The following MED8 variants were observed in gnomAD, a reference collection of about 807,000 sequenced individuals.
MED8 encodes the protein mediator of RNA polymerase II transcription subunit 8.
MED8 carries 22 observed loss-of-function variants against 34.8 expected under a neutral mutation model. The observed-to-expected ratio is 0.63, with a 90% CI of 0.45 to 0.90. MED8 has a LOEUF of 0.90. MED8 is among the 40% of genes least tolerant of loss of function. The pLI is 0.00. For missense variants in MED8, 260 were observed against 326.3 expected (o/e 0.80, Z 1.57); for synonymous variants, 105 against 120.2 (o/e 0.87, Z 0.83).
Position 43,383,961 on chromosome 1 carries a change from T to G in MED8, c.*1081A>C, listed in dbSNP as rs146741840. ...TCAGAGGAATCCTTTGGTCCACTTC[T>G]GCTGACTCAACCCCTGCCCATGCCA... On this transcript the variant is annotated 3_prime_UTR_variant, in exon 7 of 7. Coordinates refer to ENST00000372457, the MANE Select transcript of MED8 (RefSeq NM_201542.5). 6.5e-6 allele frequency: 1 copy of G among 153,758 alleles called. No homozygotes were observed. The allele number at this position is 153,758 out of a possible 1,614,324, so 9.5% of individuals were successfully genotyped here.
Position 43,389,782 on chromosome 1 carries a change from C to G in MED8, c.-18G>C, listed in dbSNP as rs1440864194. The G allele has an allele frequency of 6.2e-7, 1 of 1,609,830 alleles. No homozygotes were observed. ...ACCTGCATTGCGGCGGCCGAGGCGG[C>G]TGCCACGATTTCACTTCCGGTTTTC... On this transcript the variant is annotated 5_prime_UTR_variant, in exon 1 of 7. Coordinates refer to ENST00000372457, the MANE Select transcript of MED8 (RefSeq NM_201542.5).
Position 43,384,926 on chromosome 1 carries a change from G to A in MED8, c.*116C>T. The A allele has an allele frequency of 6.9e-7, 1 of 1,449,514 alleles. No homozygotes were observed. Among genetic ancestry groups the A allele is most frequent in the Non-Finnish European group, 9.1e-7 (1 of 1,101,580 alleles). The allele number at this position is 1,449,514 out of a possible 1,614,324, so 89.8% of individuals were successfully genotyped here. A position where few individuals can be genotyped will look rare whatever the true frequency, so the allele number is the denominator to read the frequency against. ...TCAGTGGTGGAAGTGGGATTTGTCT[G>A]CTGCTGAAAGCCCATGTTCTTTTTA... On this transcript the variant is annotated 3_prime_UTR_variant, in exon 7 of 7. Coordinates refer to ENST00000372457, the MANE Select transcript of MED8 (RefSeq NM_201542.5).
intron 1 of MED8, chr1:43,389,099 C>G (rs2153926140): frequency 6.6e-6 from 1 of 152,666 alleles, no homozygotes; most frequent in East Asian, 1.9e-4. Context: ...AAACAAAAAC[C>G]ACACATGCTT....
Position 43,386,817 on chromosome 1 carries a change from T to A in MED8, c.411+41A>T, listed in dbSNP as rs1324955109. 1 of 1,612,430 alleles carries A rather than the reference T, an allele frequency of 6.2e-7. No homozygotes were observed. Among genetic ancestry groups the A allele is most frequent in the Non-Finnish European group, 8.5e-7 (1 of 1,178,958 alleles). ...AATGGTAATGCCTAGCTTCTCATGATGGGATGGGGATGGGGCAGCAAGGCA... is the reference window on the plus strand; with the variant it reads ...AATGGTAATGCCTAGCTTCTCATGAAGGGATGGGGATGGGGCAGCAAGGCA... On this transcript the variant is annotated intron_variant, in intron 4 of 6. Coordinates refer to ENST00000372457, the MANE Select transcript of MED8 (RefSeq NM_201542.5). The surrounding 1 kb of genome is among the most constrained non-coding windows in gnomAD (Gnocchi z 4.9).
At position 43,384,206 on chromosome 1, in the gene MED8, C is replaced by G; in HGVS notation, c.*836G>C. Reference sequence around the variant, plus strand: ...GGCACCATTATGAGGTCAACTAAACCCTGATGGCAGTGTGAAGTGCAATTC... The same window carrying G: ...GGCACCATTATGAGGTCAACTAAACGCTGATGGCAGTGTGAAGTGCAATTC... On this transcript the variant is annotated 3_prime_UTR_variant, in exon 7 of 7. Transcript: ENST00000372457. The G allele has an allele frequency of 2.4e-6, 1 of 418,336 alleles. No homozygotes were observed. Among genetic ancestry groups the G allele is most frequent in the Non-Finnish European group, 4.2e-6 (1 of 236,158 alleles). The allele number at this position is 418,336 out of a possible 1,614,324, so 25.9% of individuals were successfully genotyped here.
rs1428642151 is a variant in MED8, at chr1:43,387,525, G to A, written c.248C>T (p.Pro83Leu). 1 of 1,613,984 alleles carries A rather than the reference G, an allele frequency of 6.2e-7. No individual in the cohort carries two copies. The highest frequency in any genetic ancestry group is 2.2e-5 in the East Asian group (1 of 44,886). The change falls in exon 3 of 7, where the codon CCA becomes CTA. Residue 83 changes from proline (P) to leucine (L), a missense_variant. Physicochemically the swap from Pro to Leu is moderately conservative, Grantham distance 98. Transcript: ENST00000372457. Reference sequence around the variant, plus strand: ...TACCATGAGATCTTCATCTCGGTCTGGAGACAACACCAGAGGAATGATGAC... The same window carrying A: ...TACCATGAGATCTTCATCTCGGTCTAGAGACAACACCAGAGGAATGATGAC... ...NQVIIPLVLS[P>L]DRDEDLMRQT...
intron 1 of MED8, 57 bp from the exon 2 acceptor site, chr1:43,388,485 G>A (rs938295842): frequency 6.3e-7 from 1 of 1,599,194 alleles, no homozygotes; most frequent in South Asian, 1.1e-5. Context: ...ACATAGAAAG[G>A]AGGGCTGGAA....
intron 2 of MED8, 45 bp downstream of exon 2, chr1:43,388,265 C>G: frequency 6.3e-7 from 1 of 1,581,688 alleles, no homozygotes; most frequent in Non-Finnish European, 8.6e-7. Flanking sequence ...GAGGCTAGGC[C>G]CCCCCACCCA....
rs1647698703 is a variant in MED8 at position 43,385,560 on chromosome 1, C to T, written c.742+418G>A. ...GGCAGGAAGCCAAGAGCAAGAGAGG[C>T]AGGATACAGAGAAAAGAATACATGT... is the stretch of plus-strand genomic sequence containing the variant. On this transcript the variant is annotated intron_variant, in intron 6 of 6. Coordinates refer to ENST00000372457, the MANE Select transcript of MED8 (RefSeq NM_201542.5). 1.6e-5 allele frequency: 4 copies of T among 247,364 alleles called. 1 individual carries two copies. The South Asian group carries it at 2.1e-4, about 13-fold the overall frequency. The allele number at this position is 247,364 out of a possible 1,614,324, so 15.3% of individuals were successfully genotyped here.
At chr1:43,387,073 C>T in intron 3 of MED8, 75 bp from the exon 4 acceptor site, 3 of 1,568,680 alleles carry the variant, frequency 1.9e-6, no homozygotes, top group Non-Finnish European at 2.6e-6. Flanking sequence ...AAAGTCCCAT[C>T]CACAGGCAAA....
In MED8 at chr1:43,386,932, G is replaced by T; in HGVS notation, c.337C>A (p.Pro113Thr). The T allele has an allele frequency of 6.2e-7, 1 of 1,613,992 alleles. No homozygotes were observed. The highest frequency in any genetic ancestry group is 8.5e-7 in the Non-Finnish European group (1 of 1,179,896). The change falls in exon 4 of 7, where the codon CCT becomes ACT. Residue 113 changes from proline to threonine, a missense_variant. Coordinates refer to ENST00000372457, the MANE Select transcript of MED8 (RefSeq NM_201542.5). The surrounding 1 kb of genome is among the most constrained non-coding windows in gnomAD (Gnocchi z 4.9). ...TCCTGTTCTTCCACTTCAGGGTCAG[G>T]CTTGGTTCTCAGATGGTCAGGGACT... ...EVVPDHLRTK[P>T]DPEVEEQEKQ...
At position 43,389,753 on chromosome 1, in the gene MED8, T is replaced by A; in HGVS notation, c.6+6A>T. The A allele has an allele frequency of 6.2e-7, 1 of 1,608,500 alleles. No individual in the cohort carries two copies. The highest frequency in any genetic ancestry group is 8.5e-7 in the Non-Finnish European group (1 of 1,177,720). On this transcript the variant is annotated splice_donor_region_variant and intron_variant, in intron 1 of 6. Transcript: ENST00000372457. ...CAGCCGCTAGTACGCCCAACGCAAC[T>A]CTCACCTGCATTGCGGCGGCCGAGG...
In MED8 at chr1:43,384,923, T is replaced by A. The variant is rs908092895; in HGVS notation, c.*119A>T. The stretch of plus-strand genomic sequence containing the variant: ...TAGTCAGTGGTGGAAGTGGGATTTG[T>A]CTGCTGCTGAAAGCCCATGTTCTTT... On this transcript the variant is annotated 3_prime_UTR_variant, in exon 7 of 7. Coordinates refer to ENST00000372457, the MANE Select transcript of MED8 (RefSeq NM_201542.5). 52 of 1,449,438 alleles carry A rather than the reference T, an allele frequency of 3.6e-5. No individual in the cohort carries two copies. The African/African-American group carries it at 7.3e-4, about 20-fold the overall frequency. 89.8% of individuals were successfully genotyped at this position (1,449,438 alleles called of 1,614,324 possible).
At chr1:43,389,723 C>T (rs1648005607) in intron 1 of MED8, 36 bp downstream of exon 1, 2 of 1,603,042 alleles carry the variant, frequency 1.2e-6, no homozygotes, top group Non-Finnish European at 8.5e-7. Context: ...GTACCCGAAG[C>T]TTGCCAGCCG....
Position 43,384,506 on chromosome 1 carries a change from C to T in MED8, c.*536G>A, listed in dbSNP as rs1260510099. 1 of 1,611,896 alleles carries T rather than the reference C, an allele frequency of 6.2e-7. No homozygotes were observed. Among genetic ancestry groups the T allele is most frequent in the Non-Finnish European group, 8.5e-7 (1 of 1,179,024 alleles). On this transcript the variant is annotated 3_prime_UTR_variant, in exon 7 of 7. Coordinates refer to ENST00000372457, the MANE Select transcript of MED8 (RefSeq NM_201542.5). Reference sequence around the variant, plus strand: ...CCTTCCTGGCCCAGAAGCTTCTTCACCTTGCGCCTTAGAGGGATAGCCAGA... The same window carrying T: ...CCTTCCTGGCCCAGAAGCTTCTTCATCTTGCGCCTTAGAGGGATAGCCAGA...
intron 1 of MED8, among the ~76,000 whole-genome samples, chr1:43,389,377 G>C (rs1342639819): frequency 6.6e-6 from 1 of 152,138 alleles, no homozygotes; most frequent in African/African-American, 2.4e-5. Context: ...TAGATCCCCT[G>C]CTATATCGGC....
chr1:43,389,622 C>A, intron 1 of MED8, 137 bp downstream of exon 1: 1 of 1,363,146 alleles, frequency 7.3e-7, no homozygotes, highest in Non-Finnish European at 9.9e-7. Flanking sequence ...GCCTCGCCCC[C>A]CAGCCCACAT....
At chr1:43,387,108 A>G in intron 3 of MED8, 110 bp from the exon 4 acceptor site, 1 of 1,370,264 alleles carries the variant, frequency 7.3e-7, no homozygotes, top group Non-Finnish European at 1.0e-6. Context: ...GGAAAATACA[A>G]CCTGAGACAT....
rs375358871 is a variant in MED8, at chr1:43,386,822, T to C, written c.411+36A>G. Reference sequence around the variant, plus strand: ...TAATGCCTAGCTTCTCATGATGGGATGGGGATGGGGCAGCAAGGCAGTGAC... The same window carrying C: ...TAATGCCTAGCTTCTCATGATGGGACGGGGATGGGGCAGCAAGGCAGTGAC... On this transcript the variant is annotated intron_variant, in intron 4 of 6. Coordinates refer to ENST00000372457, the MANE Select transcript of MED8 (RefSeq NM_201542.5). The surrounding 1 kb of genome is among the most constrained non-coding windows in gnomAD (Gnocchi z 4.9). The C allele has an allele frequency of 1.9e-6, 3 of 1,612,764 alleles. No individual in the cohort carries two copies. Among genetic ancestry groups the C allele is most frequent in the African/African-American group, 1.3e-5 (1 of 75,018 alleles).
Sources: gnomAD v4.1 joint callset for allele counts (sites outside exome capture counted in the v4.1 genomes callset) on GRCh38, gnomAD v4.1.1 for gene constraint, Gnocchi (gnomAD v3.1) non-coding constraint, MANE v1.5 for transcripts, NCBI Gene and HGNC (gene_info 2026-07-23, HGNC 2026-07-21) for gene names.